TRDN: variants seen among roughly 807,000 people sequenced by gnomAD.
TRDN encodes the protein triadin.
Under a neutral mutation model 149.7 loss-of-function variants are expected in TRDN, and 161 were observed. The ratio of observed to expected loss-of-function variants is 1.08; its 90% CI spans 0.95 to 1.23. TRDN has a LOEUF of 1.23. TRDN is among the 50% of genes most tolerant of loss of function. The pLI, the probability that TRDN is intolerant of heterozygous loss-of-function variation, is 0.00. For missense variants in TRDN, 896 were observed against 823.5 expected (o/e 1.09, Z -1.08); for synonymous variants, 294 against 250.5 (o/e 1.17, Z -1.64).
intron 38 of TRDN, among the ~76,000 whole-genome samples, chr6:123,229,206 T>C (rs762128202): frequency 1.3e-5 from 2 of 151,952 alleles, no homozygotes; most frequent in South Asian, 4.1e-4. Context: ...TGGGCCATCT[T>C]GTCTGTATGG....
intron 19 of TRDN, among the ~76,000 whole-genome samples, chr6:123,366,737 T>G (rs76139205): frequency 5.3e-5 from 8 of 152,034 alleles, no homozygotes; most frequent in Admixed American, 4.6e-4. Context: ...AGGCTGGTCT[T>G]GAACTCCTGA....
At chr6:123,404,528 A>C (rs749149679) in intron 12 of TRDN, among the ~76,000 whole-genome samples, 2 of 152,140 alleles carry the variant, frequency 1.3e-5, no homozygotes, top group Non-Finnish European at 2.9e-5. Context: ...AGGTAACTGC[A>C]ACCTCCACTT....
intron 8 of TRDN, chr6:123,503,221 T>C (rs1234352722): frequency 1.0e-6 from 1 of 984,138 alleles, no homozygotes; most frequent in Non-Finnish European, 1.2e-6. Context: ...ATAAATTTAA[T>C]AATTGGATGT....
At chr6:123,438,403 T>G (rs1161421113) in intron 11 of TRDN, among the ~76,000 whole-genome samples, 1 of 152,134 alleles carries the variant, frequency 6.6e-6, no homozygotes, top group African/African-American at 2.4e-5. Flanking sequence ...ATGGTATTAT[T>G]TAACAGCTTT....
chr6:123,502,191 T>G, intron 8 of TRDN: 3 of 984,018 alleles, frequency 3.0e-6, no homozygotes, highest in Non-Finnish European at 3.6e-6. Flanking sequence ...ATCATACCAG[T>G]GAATCCAAAG....
intron 9 of TRDN, among the ~76,000 whole-genome samples, chr6:123,490,313 G>A (rs1047535155): frequency 1.3e-5 from 2 of 152,088 alleles, no homozygotes; most frequent in Admixed American, 6.6e-5. Flanking sequence ...TCTGAAAACC[G>A]AGATACCTAA....
chr6:123,386,775 C>T (rs530113234), intron 14 of TRDN, among the ~76,000 whole-genome samples: 3 of 152,296 alleles, frequency 2.0e-5, no homozygotes, highest in African/African-American at 7.2e-5. Context: ...ACTTGTGTTG[C>T]ATTATCTGGC....
intron 28 of TRDN, 100 bp downstream of exon 28, chr6:123,273,230 AATAAAAC>A (rs1486391632): frequency 6.7e-6 from 6 of 897,358 alleles, no homozygotes; most frequent in Non-Finnish European, 8.0e-6. Flanking sequence ...CACAGGCTGT[AATAAAAC>A]ATAAATATAA....
intron 38 of TRDN, among the ~76,000 whole-genome samples, chr6:123,237,496 C>T (rs77514667): frequency 0.053 from 8,076 of 152,262 alleles, 631 homozygotes; most frequent in African/African-American, 0.18. Flanking sequence ...GAACTGCCCG[C>T]CTCAGCCTCC....
At chr6:123,372,418 C>A (rs980420508) in intron 19 of TRDN, among the ~76,000 whole-genome samples, 1 of 151,996 alleles carries the variant, frequency 6.6e-6, no homozygotes, top group Non-Finnish European at 1.5e-5. Flanking sequence ...CTGTGCAATG[C>A]TAAAATCAAG....
intron 13 of TRDN, among the ~76,000 whole-genome samples, chr6:123,391,878 C>T (rs545752325): frequency 3.2e-4 from 49 of 151,932 alleles, no homozygotes; most frequent in Non-Finnish European, 6.0e-4. Context: ...TTTGTCTCCA[C>T]GTGAAGTACT....
At chr6:123,430,244 AG>A (rs1462910572) in intron 12 of TRDN, among the ~76,000 whole-genome samples, 7 of 151,974 alleles carry the variant, frequency 4.6e-5, no homozygotes, top group Admixed American at 3.9e-4. Flanking sequence ...CATTAAAGCC[AG>A]GTAGACAGAA....
chr6:123,595,833 C>T (rs1165767577), intron 1 of TRDN, among the ~76,000 whole-genome samples: 2 of 152,060 alleles, frequency 1.3e-5, no homozygotes, highest in Non-Finnish European at 2.9e-5. Context: ...TGTGTGTGTT[C>T]TGACTGTTCC....
intron 2 of TRDN, among the ~76,000 whole-genome samples, chr6:123,568,995 T>A (rs1782424817): frequency 6.6e-6 from 1 of 152,250 alleles, no homozygotes; most frequent in African/African-American, 2.4e-5. Context: ...TTCCAAATTT[T>A]TATACTCTGC....
At chr6:123,239,345 G>A (rs1270010128) in intron 38 of TRDN, among the ~76,000 whole-genome samples, 2 of 152,066 alleles carry the variant, frequency 1.3e-5, no homozygotes, top group Admixed American at 1.3e-4. Flanking sequence ...TTCAGTTATT[G>A]ATACTTCAAA....
At chr6:123,373,283 G>A (rs558874172) in intron 19 of TRDN, among the ~76,000 whole-genome samples, 4 of 152,246 alleles carry the variant, frequency 2.6e-5, no homozygotes, top group African/African-American at 9.6e-5. Context: ...TTAAAAATGG[G>A]AGTTCTCTCA....
intron 5 of TRDN, chr6:123,528,630 G>A: frequency 1.0e-6 from 1 of 985,490 alleles, no homozygotes; most frequent in Non-Finnish European, 1.2e-6. Context: ...AACCATAACT[G>A]ACATGGAACA....
intron 23 of TRDN, among the ~76,000 whole-genome samples, chr6:123,326,833 G>A (rs910043924): frequency 4.6e-5 from 7 of 151,936 alleles, no homozygotes; most frequent in African/African-American, 1.7e-4. Flanking sequence ...AATTTCAAGT[G>A]CTTGCTTTCA....
At chr6:123,431,149 G>T (rs376593503) in intron 12 of TRDN, among the ~76,000 whole-genome samples, 1 of 152,146 alleles carries the variant, frequency 6.6e-6, no homozygotes, top group African/African-American at 2.4e-5. Context: ...CAGTCAAGAC[G>T]CTGTCATCTG....
Sources: gnomAD v4.1 joint callset for allele counts (sites outside exome capture counted in the v4.1 genomes callset) on GRCh38, gnomAD v4.1.1 for gene constraint, MANE v1.5 for transcripts, NCBI Gene and HGNC (gene_info 2026-07-23, HGNC 2026-07-21) for gene names.